SUGCT: variants seen among roughly 807,000 people sequenced by gnomAD.
SUGCT encodes the protein succinyl-CoA:glutarate-CoA transferase.
Under a neutral mutation model 55.0 loss-of-function variants are expected in SUGCT, and 41 were observed. That is an observed-to-expected ratio of 0.74 (90% CI 0.58 to 0.97). The LOEUF (loss-of-function observed/expected upper bound fraction) is 0.97, where lower values mean the gene tolerates loss of function less well. SUGCT is among the 50% of genes least tolerant of loss of function. The pLI, the probability that SUGCT is intolerant of heterozygous loss-of-function variation, is 0.00. For missense variants in SUGCT, 568 were observed against 547.8 expected, an observed-to-expected ratio of 1.04 and a Z score of -0.37; for synonymous variants, 187 against 200.4, an observed-to-expected ratio of 0.93 and a Z score of 0.56.
At chr7:40,979,793 T>C in the SUGCT span, 4 of 152,156 alleles carry the variant, frequency 2.6e-5, no homozygotes, top group African/African-American at 9.7e-5. Flanking sequence ...GACAAAAATA[T>C]ACCCTAAAAG....
At chr7:40,204,096 C>T (rs1489823763) in intron 6 of SUGCT, among the ~76,000 whole-genome samples, 1 of 151,708 alleles carries the variant, frequency 6.6e-6, no homozygotes, top group Non-Finnish European at 1.5e-5. Flanking sequence ...TCACGTGATC[C>T]TCCCGCTTCA....
At chr7:40,853,148 A>G (rs1448052632) in intron 13 of SUGCT, among the ~76,000 whole-genome samples, 1 of 152,020 alleles carries the variant, frequency 6.6e-6, no homozygotes, top group East Asian at 1.9e-4. Context: ...TTGCTAATAT[A>G]TATGTAGATC....
intron 9 of SUGCT, among the ~76,000 whole-genome samples, chr7:40,321,144 C>G (rs1193155706): frequency 7.2e-6 from 1 of 139,508 alleles, no homozygotes; most frequent in Admixed American, 8.1e-5. Context: ...GGTGCGATCT[C>G]GGCTCACTGC....
At chr7:41,001,024 A>C in the SUGCT span, among the ~76,000 whole-genome samples, 1 of 152,324 alleles carries the variant, frequency 6.6e-6, no homozygotes, top group South Asian at 2.1e-4. Flanking sequence ...GTTATCAGCC[A>C]TATATCCATG....
At chr7:40,431,085 T>G (rs990615942) in intron 9 of SUGCT, among the ~76,000 whole-genome samples, 1 of 132,688 alleles carries the variant, frequency 7.5e-6, no homozygotes, top group Non-Finnish European at 1.5e-5. Context: ...AGCACTGCAC[T>G]CCAGCCTGGG....
rs141927833 is a variant in SUGCT, at chr7:40,667,578, C to CTT, written c.1090-81843_1090-81842dup. 1.3e-3 allele frequency among the ~76,000 whole-genome samples: 171 copies of CTT among 135,556 alleles called. 1 individual carries two copies. Among genetic ancestry groups the CTT allele is most frequent in the Middle Eastern group, 3.9e-3 (1 of 256 alleles). 88.9% of individuals were successfully genotyped at this position (135,556 alleles called of 152,430 possible). On this transcript the variant is annotated intron_variant, in intron 12 of 13. Transcript: ENST00000335693. ...CTATGAATCTACATCTGGCCCAGGG[C>CTT]TTTTTTTTTTTTTTGGTAGGTTTTT...
At chr7:40,684,435 A>G (rs573750874) in intron 12 of SUGCT, among the ~76,000 whole-genome samples, 35 of 152,316 alleles carry the variant, frequency 2.3e-4, no homozygotes, top group Admixed American at 1.3e-3. Flanking sequence ...CATTTTAATC[A>G]AAGTAATTCA....
chr7:40,166,058 GTTGCAGGGAGCCGAGA>G (rs1238254793), intron 1 of SUGCT, among the ~76,000 whole-genome samples: 23 of 152,274 alleles, frequency 1.5e-4, no homozygotes, highest in African/African-American at 5.3e-4. Context: ...GGAGGTGGAG[GTTGCAGGGAGCCGAGA>G]TTGTGCCTCT....
intron 13 of SUGCT, among the ~76,000 whole-genome samples, chr7:40,854,839 A>C (rs1026543644): frequency 1.3e-5 from 2 of 151,938 alleles, no homozygotes; most frequent in African/African-American, 4.8e-5. Context: ...TTGAAGCTAA[A>C]GTGACAAGAT....
At chr7:40,831,807 A>C (rs1792680303) in intron 13 of SUGCT, among the ~76,000 whole-genome samples, 1 of 152,204 alleles carries the variant, frequency 6.6e-6, no homozygotes, top group Admixed American at 6.5e-5. Flanking sequence ...TGAATTCAGC[A>C]GGGCTGGCTA....
intron 1 of SUGCT, among the ~76,000 whole-genome samples, chr7:40,171,910 G>T (rs945584921): frequency 3.3e-5 from 5 of 152,128 alleles, no homozygotes; most frequent in Non-Finnish European, 7.3e-5. Flanking sequence ...AATTTACCCT[G>T]GCTTTTAAAG....
chr7:40,146,767 T>C (rs1361748309), intron 1 of SUGCT, among the ~76,000 whole-genome samples: 3 of 152,236 alleles, frequency 2.0e-5, no homozygotes, highest in Admixed American at 2.0e-4. Flanking sequence ...AGAGATTTTG[T>C]TTATGGCCAG....
intron 1 of SUGCT, among the ~76,000 whole-genome samples, chr7:40,150,652 C>T (rs775544678): frequency 1.3e-5 from 2 of 150,520 alleles, no homozygotes; most frequent in Non-Finnish European, 2.9e-5. Flanking sequence ...GCCTGGGGAA[C>T]AAGAGCGAAA....
At chr7:40,700,208 C>T (rs1435025183) in intron 12 of SUGCT, among the ~76,000 whole-genome samples, 1 of 152,072 alleles carries the variant, frequency 6.6e-6, no homozygotes, top group Non-Finnish European at 1.5e-5. Context: ...TGCCTTACAC[C>T]CTGTGTTTTA....
intron 5 of SUGCT, among the ~76,000 whole-genome samples, chr7:40,191,455 G>C (rs1307168018): frequency 6.6e-6 from 1 of 152,088 alleles, no homozygotes; most frequent in East Asian, 1.9e-4. Flanking sequence ...AGTTCTGCTG[G>C]ATCAATGCAG....
At chr7:41,025,461 C>G in the SUGCT span, among the ~76,000 whole-genome samples, 1 of 151,886 alleles carries the variant, frequency 6.6e-6, no homozygotes, top group South Asian at 2.1e-4. Flanking sequence ...CCACCGCCTT[C>G]TGGGTTCAAG....
chr7:40,702,783 C>T (rs960040785), intron 12 of SUGCT, among the ~76,000 whole-genome samples: 4 of 152,192 alleles, frequency 2.6e-5, no homozygotes, highest in African/African-American at 4.8e-5. Flanking sequence ...TGAAAGATCA[C>T]TGAAATGCAT....
At chr7:40,684,840 T>G (rs75236379) in intron 12 of SUGCT, among the ~76,000 whole-genome samples, 31,160 of 151,978 alleles carry the variant, frequency 0.21, 3,309 homozygotes, top group Non-Finnish European at 0.23. Context: ...CGTGGTTGTT[T>G]TTGTTGTTGA....
chr7:40,391,886 A>C (rs941400519), intron 9 of SUGCT, among the ~76,000 whole-genome samples: 1 of 152,186 alleles, frequency 6.6e-6, no homozygotes, highest in East Asian at 1.9e-4. Flanking sequence ...AACCAACCCA[A>C]AGGTCCATCA....
Sources: gnomAD v4.1 joint callset for allele counts (sites outside exome capture counted in the v4.1 genomes callset) on GRCh38, gnomAD v4.1.1 for gene constraint, MANE v1.5 for transcripts, NCBI Gene and HGNC (gene_info 2026-07-23, HGNC 2026-07-21) for gene names.